Variants in CENPW observed in about 807,000 individuals in gnomAD.
CENPW encodes the protein centromere protein W.
Under a neutral mutation model 11.1 loss-of-function variants are expected in CENPW, and 3 were observed. That is an observed-to-expected ratio of 0.27 (90% CI 0.12 to 0.70). The LOEUF is 0.70. Ranked by LOEUF, CENPW falls within the 30% of genes least tolerant of loss-of-function variation. CENPW has a pLI of 0.77. For synonymous variants in CENPW, 38 were observed against 42.0 expected, an observed-to-expected ratio of 0.91 and a Z score of 0.37; for missense variants, 100 against 105.6, an observed-to-expected ratio of 0.95 and a Z score of 0.23.
intron 1 of CENPW, 109 bp downstream of exon 1, chr6:126,340,508 C>T: frequency 1.3e-6 from 2 of 1,532,180 alleles, no homozygotes; most frequent in Non-Finnish European, 1.8e-6. Context: ...TCTTTCAGGC[C>T]CCTGTTTAAG....
chr6:126,442,960 C>T, the CENPW span, among the ~76,000 whole-genome samples: 2 of 150,976 alleles, frequency 1.3e-5, no homozygotes, highest in African/African-American at 2.4e-5. Context: ...TCTATTTGAT[C>T]ACTGTGATCT....
At chr6:126,461,961 A>G in the CENPW span, among the ~76,000 whole-genome samples, 3 of 151,958 alleles carry the variant, frequency 2.0e-5, no homozygotes, top group Non-Finnish European at 4.4e-5. Flanking sequence ...ACAACATTGT[A>G]AGGTGAGTAA....
the CENPW span, among the ~76,000 whole-genome samples, chr6:126,472,889 C>G: frequency 3.4e-4 from 52 of 152,228 alleles, no homozygotes; most frequent in Admixed American, 4.6e-4. Flanking sequence ...ATATCCTTAA[C>G]TTTAAAAAAG....
chr6:126,341,879 A>G (rs1483760048), intron 1 of CENPW, among the ~76,000 whole-genome samples: 2 of 152,180 alleles, frequency 1.3e-5, no homozygotes, highest in East Asian at 3.8e-4. Context: ...CAAAGAACCC[A>G]TGGACAGAGG....
the CENPW span, among the ~76,000 whole-genome samples, chr6:126,477,707 T>C: frequency 6.6e-6 from 1 of 152,020 alleles, no homozygotes; most frequent in African/African-American, 2.4e-5. Flanking sequence ...GATAGTAAGA[T>C]GGCAGGTAGT....
At chr6:126,410,152 G>A in the CENPW span, among the ~76,000 whole-genome samples, 1 of 151,872 alleles carries the variant, frequency 6.6e-6, no homozygotes, top group Non-Finnish European at 1.5e-5. Context: ...TAGATACAGG[G>A]CTACTTTGAA....
the CENPW span, among the ~76,000 whole-genome samples, chr6:126,354,612 C>A: frequency 1.3e-5 from 2 of 152,076 alleles, no homozygotes; most frequent in African/African-American, 4.8e-5. Flanking sequence ...TCCATAAAAG[C>A]TCTACTATAG....
the CENPW span, among the ~76,000 whole-genome samples, chr6:126,433,308 G>T: frequency 6.6e-6 from 1 of 152,078 alleles, no homozygotes; most frequent in Non-Finnish European, 1.5e-5. Context: ...CCTTGTGCTA[G>T]AATCTTTTTA....
chr6:126,390,016 T>A, the CENPW span, among the ~76,000 whole-genome samples: 1 of 151,898 alleles, frequency 6.6e-6, no homozygotes. Context: ...CTCACAGAGG[T>A]GATTCATTTT....
the CENPW span, among the ~76,000 whole-genome samples, chr6:126,406,132 A>G: frequency 3.9e-5 from 6 of 152,098 alleles, no homozygotes; most frequent in African/African-American, 9.7e-5. Flanking sequence ...CATCCTTTCT[A>G]TACATAACTT....
the CENPW span, among the ~76,000 whole-genome samples, chr6:126,446,634 C>T: frequency 6.6e-5 from 10 of 151,080 alleles, no homozygotes; most frequent in African/African-American, 2.4e-4. Flanking sequence ...TCCTTCCAAC[C>T]TAACCAAAAA....
At chr6:126,365,827 A>G in the CENPW span, among the ~76,000 whole-genome samples, 1 of 152,230 alleles carries the variant, frequency 6.6e-6, no homozygotes, top group Non-Finnish European at 1.5e-5. Flanking sequence ...ACAAAGAATG[A>G]AAGGAAATGA....
intron 1 of CENPW, among the ~76,000 whole-genome samples, chr6:126,344,807 G>A (rs1288182448): frequency 6.6e-6 from 1 of 152,092 alleles, no homozygotes. Context: ...ATTATATAAA[G>A]CATTAAAACA....
the CENPW span, among the ~76,000 whole-genome samples, chr6:126,441,452 TA>T: frequency 4.7e-5 from 7 of 148,590 alleles, no homozygotes; most frequent in South Asian, 2.1e-4. Flanking sequence ...GTGGATTACT[TA>T]AAAAAAAAAG....
chr6:126,406,217 CT>C, the CENPW span, among the ~76,000 whole-genome samples: 3 of 151,808 alleles, frequency 2.0e-5, no homozygotes, highest in African/African-American at 4.8e-5. Flanking sequence ...GATTATATGG[CT>C]TTTTTTCTTC....
the CENPW span, among the ~76,000 whole-genome samples, chr6:126,454,781 A>G: frequency 6.6e-6 from 1 of 151,180 alleles, no homozygotes. Flanking sequence ...CAATGAATCC[A>G]TGAGTTGGTT....
chr6:126,345,144 T>C (rs570607713), intron 1 of CENPW, among the ~76,000 whole-genome samples: 1 of 151,984 alleles, frequency 6.6e-6, no homozygotes, highest in Non-Finnish European at 1.5e-5. Context: ...GTACTTTAAC[T>C]TTTTTCCAAG....
At chr6:126,413,406 T>A in the CENPW span, among the ~76,000 whole-genome samples, 1 of 152,068 alleles carries the variant, frequency 6.6e-6, no homozygotes, top group African/African-American at 2.4e-5. Context: ...AAACACCTTA[T>A]ATGCCAGGAG....
the CENPW span, among the ~76,000 whole-genome samples, chr6:126,375,191 G>A: frequency 5.3e-3 from 809 of 152,304 alleles, 4 homozygotes; most frequent in Middle Eastern, 0.024. Context: ...CAAAGGCCAT[G>A]AAGAGAAAAT....
Sources: gnomAD v4.1 joint callset for allele counts (sites outside exome capture counted in the v4.1 genomes callset) on GRCh38, gnomAD v4.1.1 for gene constraint, MANE v1.5 for transcripts, NCBI Gene and HGNC (gene_info 2026-07-23, HGNC 2026-07-21) for gene names.